PCDH15: variants seen among roughly 807,000 people sequenced by gnomAD.
PCDH15 encodes protocadherin related 15.
A neutral mutation model predicts 178.5 loss-of-function variants in PCDH15; 129 were observed. That is an observed-to-expected ratio of 0.72 (90% CI 0.63 to 0.84). PCDH15 has a LOEUF of 0.84. PCDH15 is among the 40% of genes least tolerant of loss of function. The pLI is 0.00. For synonymous variants in PCDH15, 800 were observed against 732.0 expected, an observed-to-expected ratio of 1.09 and a Z score of -1.50; for missense variants, 2,230 against 2,099.9, an observed-to-expected ratio of 1.06 and a Z score of -1.21.
intron 1 of PCDH15, among the ~76,000 whole-genome samples, chr10:54,766,974 T>C (rs535227873): frequency 1.3e-5 from 2 of 152,136 alleles, no homozygotes; most frequent in East Asian, 1.9e-4. Context: ...CCTTTTTGTG[T>C]TCTTAATATA....
chr10:55,213,301 T>A (rs1840617241), intron 1 of PCDH15, among the ~76,000 whole-genome samples: 1 of 152,092 alleles, frequency 6.6e-6, no homozygotes, highest in African/African-American at 2.4e-5. Context: ...TTACACTACC[T>A]AAATGAATAA....
chr10:55,271,662 T>A (rs945395176), intron 1 of PCDH15, among the ~76,000 whole-genome samples: 2 of 151,990 alleles, frequency 1.3e-5, no homozygotes, highest in African/African-American at 4.8e-5. Flanking sequence ...GAAGCAGTGG[T>A]CACTCCTGTA....
rs149467698 is a variant in PCDH15 at position 54,724,497 on chromosome 10, A to T, written c.-28-60207T>A. ...AACCAATATACAATATAATTATGTA[A>T]CAAATATGCATATATACCCCCGAAT... On this transcript the variant is annotated intron_variant, in intron 1 of 37. Transcript: ENST00000644397. 6.4e-4 allele frequency among the ~76,000 whole-genome samples: 97 copies of T among 151,668 alleles called. 2 individuals are homozygous for T. In the East Asian group the frequency reaches 0.018, roughly 28 times the overall value.
At chr10:55,593,588 A>G (rs1270352258) in intron 2 of PCDH15, among the ~76,000 whole-genome samples, 2 of 151,916 alleles carry the variant, frequency 1.3e-5, no homozygotes, top group African/African-American at 2.4e-5. Flanking sequence ...ATCTGGAAAT[A>G]AGAGGTACTG....
intron 3 of PCDH15, among the ~76,000 whole-genome samples, chr10:54,470,567 C>T (rs930403983): frequency 2.6e-5 from 4 of 152,118 alleles, no homozygotes; most frequent in African/African-American, 9.7e-5. Flanking sequence ...CAGAGCAATG[C>T]TCTTGCCATC....
intron 2 of PCDH15, among the ~76,000 whole-genome samples, chr10:55,334,120 G>T (rs1355522527): frequency 6.7e-6 from 1 of 149,876 alleles, no homozygotes. Flanking sequence ...GGTATAGTCA[G>T]TGTGCACATA....
chr10:55,340,987 CT>C (rs1395144184), intron 2 of PCDH15, among the ~76,000 whole-genome samples: 1 of 151,782 alleles, frequency 6.6e-6, no homozygotes, highest in African/African-American at 2.4e-5. Flanking sequence ...ATCTCATTTT[CT>C]TTTATTTTGT....
chr10:54,039,786 T>G (rs1004207285), intron 18 of PCDH15, among the ~76,000 whole-genome samples: 4 of 152,056 alleles, frequency 2.6e-5, no homozygotes, highest in Non-Finnish European at 5.9e-5. Context: ...CTTGAGCTTT[T>G]GGGACTCTGT....
At chr10:54,659,821 C>T (rs1203408451) in intron 2 of PCDH15, among the ~76,000 whole-genome samples, 3 of 149,620 alleles carry the variant, frequency 2.0e-5, no homozygotes, top group Admixed American at 6.7e-5. Flanking sequence ...ATCTGAACAA[C>T]TTGCTACTGA....
chr10:54,506,309 A>C (rs2081160972), intron 3 of PCDH15, among the ~76,000 whole-genome samples: 1 of 152,064 alleles, frequency 6.6e-6, no homozygotes, highest in South Asian at 2.1e-4. Context: ...CTATATAGTC[A>C]GTATTTAGGT....
chr10:53,869,788 A>C (rs1242446064), intron 26 of PCDH15, among the ~76,000 whole-genome samples: 1 of 152,140 alleles, frequency 6.6e-6, no homozygotes, highest in African/African-American at 2.4e-5. Context: ...TGAAAAAAAA[A>C]AATTACCCAT....
At chr10:55,564,853 G>A (rs1288825844) in intron 2 of PCDH15, among the ~76,000 whole-genome samples, 2 of 151,528 alleles carry the variant, frequency 1.3e-5, no homozygotes, top group African/African-American at 4.8e-5. Context: ...CTATTAGAAG[G>A]AAATTTTGAT....
intron 2 of PCDH15, among the ~76,000 whole-genome samples, chr10:55,101,320 T>C (rs1842570953): frequency 1.3e-5 from 2 of 151,942 alleles, no homozygotes; most frequent in Admixed American, 1.3e-4. Context: ...AGGTGGAGTT[T>C]ACAGTGATCA....
chr10:55,386,476 G>T (rs948242529), intron 2 of PCDH15, among the ~76,000 whole-genome samples: 19 of 151,918 alleles, frequency 1.3e-4, no homozygotes, highest in Admixed American at 6.6e-5. Flanking sequence ...TCTCACTATT[G>T]TATTGGAGAA....
At chr10:54,190,846 T>TA (rs2048926374) in intron 11 of PCDH15, among the ~76,000 whole-genome samples, 1 of 152,192 alleles carries the variant, frequency 6.6e-6, no homozygotes, top group South Asian at 2.1e-4. Context: ...GCTCGGTCTA[T>TA]AAAAAACAGA....
chr10:55,128,423 G>A (rs534375817), intron 2 of PCDH15, among the ~76,000 whole-genome samples: 9 of 152,096 alleles, frequency 5.9e-5, no homozygotes, highest in Non-Finnish European at 1.2e-4. Context: ...AGACCTATAT[G>A]TACTTAATTC....
chr10:54,893,313 G>T (rs1954495022), intron 3 of PCDH15, among the ~76,000 whole-genome samples: 1 of 152,056 alleles, frequency 6.6e-6, no homozygotes, highest in South Asian at 2.1e-4. Flanking sequence ...CTGAAAATGA[G>T]AAATTTAACC....
At chr10:55,236,597 A>AT (rs1841391833) in intron 1 of PCDH15, among the ~76,000 whole-genome samples, 2 of 152,070 alleles carry the variant, frequency 1.3e-5, no homozygotes, top group Non-Finnish European at 2.9e-5. Flanking sequence ...AAGAAATGAA[A>AT]TTCTTCCACA....
At chr10:54,416,810 C>T (rs926781151) in intron 3 of PCDH15, among the ~76,000 whole-genome samples, 3 of 152,064 alleles carry the variant, frequency 2.0e-5, no homozygotes, top group South Asian at 2.1e-4. Flanking sequence ...TTTTAATAGT[C>T]GCTATTCTGA....
Sources: allele counts gnomAD v4.1 joint callset (sites outside exome capture counted in the v4.1 genomes callset), GRCh38; gene constraint gnomAD v4.1.1; transcripts MANE v1.5; gene names NCBI Gene and HGNC (gene_info 2026-07-23, HGNC 2026-07-21).